MYRIP: variants seen among roughly 807,000 people sequenced by gnomAD.
The protein encoded by MYRIP is rab effector MyRIP.
In MYRIP, 49 loss-of-function variants were observed where a neutral mutation model predicts 98.0. The observed-to-expected ratio is 0.50, with a 90% CI of 0.40 to 0.63. The LOEUF (loss-of-function observed/expected upper bound fraction) is 0.63, where lower values mean the gene tolerates loss of function less well. Ranked by LOEUF, MYRIP falls within the 30% of genes least tolerant of loss-of-function variation. MYRIP has a pLI of 0.00. For missense variants in MYRIP, 1,004 were observed against 1,058.2 expected, an observed-to-expected ratio of 0.95 and a Z score of 0.71; for synonymous variants, 404 against 409.5, an observed-to-expected ratio of 0.99 and a Z score of 0.16.
intron 13 of MYRIP, among the ~76,000 whole-genome samples, chr3:40,245,747 A>AT (rs539410162): frequency 9.4e-5 from 9 of 95,858 alleles, no homozygotes; most frequent in Non-Finnish European, 9.6e-5. Context: ...TGGTTTGCTG[A>AT]TTTTTTTTTT....
chr3:40,198,503 C>G (rs1051401093), intron 10 of MYRIP, among the ~76,000 whole-genome samples: 1 of 152,208 alleles, frequency 6.6e-6, no homozygotes, highest in Non-Finnish European at 1.5e-5. Flanking sequence ...TTACTGGCAA[C>G]AAACAGACTT....
chr3:39,900,792 G>A lies in MYRIP; in HGVS notation c.-25G>A. 6.3e-7 allele frequency: 1 copy of A among 1,579,144 alleles called. No homozygotes were observed. The highest frequency in any genetic ancestry group is 8.7e-7 in the Non-Finnish European group (1 of 1,154,640). On this transcript the variant is annotated 5_prime_UTR_variant, in exon 2 of 17. Coordinates refer to ENST00000302541, the MANE Select transcript of MYRIP (RefSeq NM_015460.4). ...GTATCATTTTGGTTTCCCAGGTCTTGTTTCATCATCTGTGTTGAGTAACCA... is the reference window on the plus strand; with the variant it reads ...GTATCATTTTGGTTTCCCAGGTCTTATTTCATCATCTGTGTTGAGTAACCA...
chr3:40,181,986 G>A (rs558012110), intron 8 of MYRIP, among the ~76,000 whole-genome samples: 55 of 152,130 alleles, frequency 3.6e-4, no homozygotes, highest in Non-Finnish European at 6.3e-4. Flanking sequence ...AGCTGGCCCC[G>A]TAAAATTACA....
At chr3:40,078,696 T>C (rs1160352518) in intron 3 of MYRIP, among the ~76,000 whole-genome samples, 1 of 152,162 alleles carries the variant, frequency 6.6e-6, no homozygotes, top group African/African-American at 2.4e-5. Flanking sequence ...AGTGGTCTCC[T>C]CTCCTTTCCT....
At chr3:40,235,130 T>C (rs1952792637) in intron 12 of MYRIP, among the ~76,000 whole-genome samples, 1 of 152,038 alleles carries the variant, frequency 6.6e-6, no homozygotes, top group Non-Finnish European at 1.5e-5. Flanking sequence ...CACTCCAAAA[T>C]TGTCCAAGCA....
intron 2 of MYRIP, among the ~76,000 whole-genome samples, chr3:39,974,100 A>G (rs1056084207): frequency 4.6e-5 from 7 of 152,128 alleles, no homozygotes; most frequent in Admixed American, 3.3e-4. Context: ...AAAAAAATCA[A>G]TGAATCCAGG....
At chr3:39,975,649 T>G (rs969899925) in intron 2 of MYRIP, among the ~76,000 whole-genome samples, 2 of 151,994 alleles carry the variant, frequency 1.3e-5, no homozygotes, top group African/African-American at 4.8e-5. Flanking sequence ...CTTCAAACTA[T>G]ACTACAAGGC....
intron 2 of MYRIP, among the ~76,000 whole-genome samples, chr3:39,925,119 T>A (rs1423755922): frequency 6.6e-6 from 1 of 151,380 alleles, no homozygotes; most frequent in African/African-American, 2.4e-5. Flanking sequence ...ACTGAGATCA[T>A]TTAGGTTGTA....
intron 2 of MYRIP, among the ~76,000 whole-genome samples, chr3:39,976,335 C>G (rs918745205): frequency 2.7e-4 from 41 of 152,242 alleles, no homozygotes; most frequent in African/African-American, 9.9e-4. Context: ...CAAATCAAAA[C>G]CACAATGAGA....
intron 3 of MYRIP, among the ~76,000 whole-genome samples, chr3:40,067,761 A>ACGG (rs1948151866): frequency 6.6e-6 from 1 of 151,742 alleles, no homozygotes; most frequent in African/African-American, 2.4e-5. Context: ...GGTCTAAGAG[A>ACGG]TGGTAACATT....
At chr3:39,851,632 C>A (rs1942132458) in intron 1 of MYRIP, among the ~76,000 whole-genome samples, 1 of 152,210 alleles carries the variant, frequency 6.6e-6, no homozygotes, top group Non-Finnish European at 1.5e-5. Context: ...AAAATACAAT[C>A]AAAGTTTACA....
At chr3:39,989,349 C>T (rs1413313965) in intron 2 of MYRIP, among the ~76,000 whole-genome samples, 1 of 152,140 alleles carries the variant, frequency 6.6e-6, no homozygotes, top group Non-Finnish European at 1.5e-5. Context: ...GGTTCATTCC[C>T]ATGCCTGGAG....
chr3:40,123,611 G>C (rs1169859381), intron 3 of MYRIP, among the ~76,000 whole-genome samples: 1 of 152,176 alleles, frequency 6.6e-6, no homozygotes, highest in Non-Finnish European at 1.5e-5. Context: ...AGTTACAAGA[G>C]GCTGGTTTAT....
At chr3:40,146,516 C>A (rs969577308) in intron 3 of MYRIP, among the ~76,000 whole-genome samples, 1 of 152,170 alleles carries the variant, frequency 6.6e-6, no homozygotes, top group African/African-American at 2.4e-5. Context: ...GTTTCCTGGC[C>A]ACTCCAGTTG....
chr3:39,885,357 G>A (rs899429283), intron 1 of MYRIP, among the ~76,000 whole-genome samples: 11 of 151,938 alleles, frequency 7.2e-5, no homozygotes, highest in Admixed American at 3.3e-4. Context: ...AGTTTCTGCC[G>A]AGAGATCCGC....
At chr3:39,877,781 C>T (rs1324184545) in intron 1 of MYRIP, among the ~76,000 whole-genome samples, 10 of 152,224 alleles carry the variant, frequency 6.6e-5, no homozygotes, top group South Asian at 2.1e-4. Flanking sequence ...TTAGGCTGCT[C>T]GGGGGTCAGG....
chr3:39,939,082 G>A (rs191863403), intron 2 of MYRIP, among the ~76,000 whole-genome samples: 16 of 152,232 alleles, frequency 1.1e-4, no homozygotes, highest in Non-Finnish European at 1.9e-4. Flanking sequence ...TCCTTGTGTT[G>A]AGCCAACTTT....
intron 3 of MYRIP, among the ~76,000 whole-genome samples, chr3:40,081,728 C>A (rs187130290): frequency 6.6e-6 from 1 of 152,128 alleles, no homozygotes; most frequent in East Asian, 1.9e-4. Context: ...TGAAATACAA[C>A]GTATATTATT....
At chr3:40,037,981 T>C in intron 2 of MYRIP, among the ~76,000 whole-genome samples, 1 of 152,134 alleles carries the variant, frequency 6.6e-6, no homozygotes, top group East Asian at 1.9e-4. Context: ...AATCACTTTT[T>C]GGTTAGCATC....
Sources: allele counts gnomAD v4.1 joint callset (sites outside exome capture counted in the v4.1 genomes callset), GRCh38; gene constraint gnomAD v4.1.1; transcripts MANE v1.5; gene names NCBI Gene and HGNC (gene_info 2026-07-23, HGNC 2026-07-21).